Variants in KCNN2 observed in about 807,000 individuals in gnomAD.
KCNN2 encodes the protein small conductance calcium-activated potassium channel protein 2.
In KCNN2, 24 loss-of-function variants were observed where a neutral mutation model predicts 55.5. That is an observed-to-expected ratio of 0.43 (90% CI 0.31 to 0.61). The LOEUF (loss-of-function observed/expected upper bound fraction) is 0.61, where lower values mean the gene tolerates loss of function less well. Among genes scored for constraint, KCNN2 ranks in the 20% least tolerant of loss-of-function variants. The pLI, the probability that KCNN2 is intolerant of heterozygous loss-of-function variation, is 0.08. For missense variants in KCNN2, 754 were observed against 853.6 expected (o/e 0.88, Z 1.45); for synonymous variants, 431 against 336.1 (o/e 1.28, Z -3.09).
intron 1 of KCNN2, among the ~76,000 whole-genome samples, chr5:114,087,589 G>T (rs1302057380): frequency 6.6e-6 from 1 of 152,016 alleles, no homozygotes; most frequent in Non-Finnish European, 1.5e-5. Context: ...ATGGCTGTAG[G>T]TGTCATAGTT....
intron 5 of KCNN2, among the ~76,000 whole-genome samples, chr5:114,477,886 A>G (rs1762041839): frequency 6.6e-6 from 1 of 152,236 alleles, no homozygotes; most frequent in African/African-American, 2.4e-5. Flanking sequence ...AATCAGATCC[A>G]TAATAAGAAC....
intron 2 of KCNN2, among the ~76,000 whole-genome samples, chr5:114,311,159 A>ATT (rs1756385080): frequency 6.6e-6 from 1 of 152,092 alleles, no homozygotes; most frequent in African/African-American, 2.4e-5. Context: ...GTATATATAT[A>ATT]TTTTTAATAT....
intron 1 of KCNN2, among the ~76,000 whole-genome samples, chr5:114,069,859 G>A (rs1030731866): frequency 1.1e-4 from 17 of 152,164 alleles, no homozygotes; most frequent in African/African-American, 2.9e-4. Flanking sequence ...AGGGAGTGCC[G>A]GTGATAATGC....
intron 3 of KCNN2, among the ~76,000 whole-genome samples, chr5:114,439,626 C>T (rs572995158): frequency 1.2e-4 from 19 of 152,178 alleles, no homozygotes; most frequent in African/African-American, 3.1e-4. Context: ...TCTAATGCAC[C>T]GCCAAGGTTA....
intron 3 of KCNN2, among the ~76,000 whole-genome samples, chr5:114,461,422 G>A (rs575646245): frequency 6.6e-6 from 1 of 152,132 alleles, no homozygotes; most frequent in East Asian, 1.9e-4. Flanking sequence ...CTCCTAATCA[G>A]GCTGGCTGCC....
At chr5:114,343,209 G>T (rs543739561) in intron 2 of KCNN2, among the ~76,000 whole-genome samples, 2 of 152,288 alleles carry the variant, frequency 1.3e-5, no homozygotes, top group South Asian at 4.1e-4. Flanking sequence ...GCTTGCTAAT[G>T]AATAGCCAAC....
chr5:114,339,172 T>C (rs1316327719), intron 2 of KCNN2, among the ~76,000 whole-genome samples: 1 of 152,204 alleles, frequency 6.6e-6, no homozygotes, highest in Admixed American at 6.5e-5. Context: ...TTGATAGGGT[T>C]TCTCAGGGTC....
At chr5:114,125,946 G>A (rs1751922440) in intron 1 of KCNN2, among the ~76,000 whole-genome samples, 1 of 152,138 alleles carries the variant, frequency 6.6e-6, no homozygotes, top group Non-Finnish European at 1.5e-5. Context: ...TTGAACTTCA[G>A]CACATGAATT....
intron 2 of KCNN2, among the ~76,000 whole-genome samples, chr5:114,367,406 G>A (rs1321869091): frequency 6.6e-6 from 1 of 152,150 alleles, no homozygotes; most frequent in African/African-American, 2.4e-5. Flanking sequence ...TTTAGCTAAG[G>A]AGATGTTAGA....
intron 2 of KCNN2, among the ~76,000 whole-genome samples, chr5:114,374,403 G>A (rs1024125092): frequency 6.6e-6 from 1 of 152,074 alleles, no homozygotes; most frequent in African/African-American, 2.4e-5. Flanking sequence ...ATTCTTTGTA[G>A]GTCTACAGGA....
intron 3 of KCNN2, among the ~76,000 whole-genome samples, chr5:114,422,075 C>T (rs1041373184): frequency 6.6e-6 from 1 of 152,164 alleles, no homozygotes; most frequent in Non-Finnish European, 1.5e-5. Context: ...AACCATTCTG[C>T]TAATTAGTTT....
intron 1 of KCNN2, among the ~76,000 whole-genome samples, chr5:114,081,577 G>A (rs563236954): frequency 6.6e-6 from 1 of 152,304 alleles, no homozygotes; most frequent in South Asian, 2.1e-4. Context: ...ATATCCATAT[G>A]CAAAAGAATG....
chr5:114,275,734 T>C (rs1266528220), intron 2 of KCNN2, among the ~76,000 whole-genome samples: 1 of 152,186 alleles, frequency 6.6e-6, no homozygotes. Flanking sequence ...TTCTTCTTTA[T>C]TAGTCTTCCT....
chr5:114,304,230 T>C (rs945940536), intron 2 of KCNN2, among the ~76,000 whole-genome samples: 21 of 152,068 alleles, frequency 1.4e-4, no homozygotes, highest in Admixed American at 9.8e-4. Flanking sequence ...AGGTTTGAGG[T>C]TTTTTTCCTC....
intron 2 of KCNN2, among the ~76,000 whole-genome samples, chr5:114,335,125 G>A (rs1756898165): frequency 6.6e-6 from 1 of 152,060 alleles, no homozygotes; most frequent in Non-Finnish European, 1.5e-5. Flanking sequence ...GGGTTTCACC[G>A]TGTTAGCCAG....
rs539023925 is a variant in KCNN2 at position 114,460,738 on chromosome 5, G to A, written c.1638-2311G>A. Among the ~76,000 whole-genome samples the A allele has an allele frequency of 7.2e-5, 11 of 152,264 alleles. No individual in the cohort carries two copies. In the South Asian group the frequency reaches 1.2e-3, roughly 17 times the overall value. On this transcript the variant is annotated intron_variant, in intron 3 of 7. Transcript: ENST00000673685. ...AGATTGTCCATGCATTACAACATAC[G>A]TCAAATTAGAAAATGCAAGTTAAGT...
chr5:114,140,850 A>G (rs1304923328), intron 1 of KCNN2, among the ~76,000 whole-genome samples: 1 of 150,946 alleles, frequency 6.6e-6, no homozygotes, highest in Non-Finnish European at 1.5e-5. Context: ...GTACAGTGGC[A>G]TGATCTTGGC....
In KCNN2 at chr5:114,381,948, A is replaced by ACCTGT. The variant is rs1198672050; in HGVS notation, c.1218+17949_1218+17953dup. Among the ~76,000 whole-genome samples the ACCTGT allele has an allele frequency of 7.2e-5, 11 of 152,260 alleles. No individual in the cohort carries two copies. The East Asian group carries it at 2.1e-3, about 29-fold the overall frequency. ...GGTGATGCAGGGATGGGAGTTGGAT[A>ACCTGT]CCTGTCTGTTGATGGTTCAGATTCT... On this transcript the variant is annotated intron_variant, in intron 2 of 7. Transcript: ENST00000673685.
At chr5:114,459,054 C>T (rs1761070306) in intron 3 of KCNN2, among the ~76,000 whole-genome samples, 1 of 152,194 alleles carries the variant, frequency 6.6e-6, no homozygotes, top group African/African-American at 2.4e-5. Flanking sequence ...TTATAGAAAG[C>T]TGTCATATTT....
Sources: allele counts gnomAD v4.1 joint callset (sites outside exome capture counted in the v4.1 genomes callset), GRCh38; gene constraint gnomAD v4.1.1; transcripts MANE v1.5; gene names NCBI Gene and HGNC (gene_info 2026-07-23, HGNC 2026-07-21).